The following NDC1 variants were observed in gnomAD, a reference collection of about 807,000 sequenced individuals.
NDC1 encodes NDC1 transmembrane nucleoporin, also known as nucleoporin NDC1.
NDC1 carries 24 observed loss-of-function variants against 89.8 expected under a neutral mutation model. The ratio of observed to expected loss-of-function variants is 0.27; its 90% CI spans 0.19 to 0.38. The LOEUF is 0.38. Ranked by LOEUF, NDC1 falls within the 10% of genes least tolerant of loss-of-function variation. NDC1 has a pLI of 1.00. For synonymous variants in NDC1, 296 were observed against 284.8 expected, an observed-to-expected ratio of 1.04 and a Z score of -0.39; for missense variants, 728 against 797.6, an observed-to-expected ratio of 0.91 and a Z score of 1.05.
chr1:53,826,049 C>T (rs1311373886), intron 4 of NDC1, 113 bp from the exon 5 acceptor site: 1 of 1,057,302 alleles, frequency 9.5e-7, no homozygotes, highest in Non-Finnish European at 1.4e-6. Flanking sequence ...TAAGAAATGT[C>T]CCAAATTCTA....
At chr1:53,770,342 G>A (rs1198342703) in intron 17 of NDC1, among the ~76,000 whole-genome samples, 3 of 151,780 alleles carry the variant, frequency 2.0e-5, no homozygotes, top group Admixed American at 6.6e-5. Flanking sequence ...GGTCTTGCTC[G>A]GTCGCCCAGG....
At chr1:53,814,845 G>T (rs1331362168) in intron 6 of NDC1, among the ~76,000 whole-genome samples, 1 of 152,068 alleles carries the variant, frequency 6.6e-6, no homozygotes, top group Non-Finnish European at 1.5e-5. Context: ...CACATAAACT[G>T]CCAAACCTAG....
At chr1:53,803,887 A>T in intron 10 of NDC1, 41 bp downstream of exon 10, 1 of 1,460,616 alleles carries the variant, frequency 6.8e-7, no homozygotes, top group Non-Finnish European at 9.6e-7. Context: ...ATTACTTTCT[A>T]CACACATATG....
rs758596965 is a variant in NDC1 at position 53,800,724 on chromosome 1, G to A, written c.1191C>T (p.Tyr397=). The A allele has an allele frequency of 6.2e-7, 1 of 1,613,948 alleles. No individual in the cohort carries two copies. The highest frequency in any genetic ancestry group is 8.5e-7 in the Non-Finnish European group (1 of 1,179,962). Reference sequence around the variant, plus strand: ...AATTTAATTTCTTAGGTTCCACTGGGTAAGATGAAGACACTCTCCCATTCG... The same window carrying A: ...AATTTAATTTCTTAGGTTCCACTGGATAAGATGAAGACACTCTCCCATTCG... ...AATNGRVSSS[Y]PVEPKKLNSP... is the part of the protein sequence containing the mutation. Residue 397 remains tyrosine (Y), a synonymous_variant, in exon 11 of 18, where the codon TAC becomes TAT. Transcript: ENST00000371429.
In NDC1 at chr1:53,825,951, T is replaced by A. The variant is rs368327641; in HGVS notation, c.456-15A>T. ...GGCTACCAAAGCTGAAGGGAAAAAA[T>A]TAAGTTATTAATTCAACAGTCAGGG... On this transcript the variant is annotated splice_polypyrimidine_tract_variant and intron_variant, in intron 4 of 17. Coordinates refer to ENST00000371429, the MANE Select transcript of NDC1 (RefSeq NM_018087.5). 1 of 1,609,200 alleles carries A rather than the reference T, an allele frequency of 6.2e-7. No homozygotes were observed.
chr1:53,812,768 T>C (rs1418397291), intron 6 of NDC1, among the ~76,000 whole-genome samples: 1 of 152,184 alleles, frequency 6.6e-6, no homozygotes, highest in Non-Finnish European at 1.5e-5. Context: ...CCTGAAAAAT[T>C]CATCACAAAA....
At chr1:53,791,306 C>T (rs1331568021) in intron 14 of NDC1, among the ~76,000 whole-genome samples, 1 of 152,096 alleles carries the variant, frequency 6.6e-6, no homozygotes, top group Non-Finnish European at 1.5e-5. Context: ...GTAGTCCCAA[C>T]TACTCAGGAG....
At chr1:53,818,417 G>A (rs1411672999) in intron 6 of NDC1, among the ~76,000 whole-genome samples, 1 of 151,426 alleles carries the variant, frequency 6.6e-6, no homozygotes, top group African/African-American at 2.4e-5. Context: ...CTCCAGCCTG[G>A]GTGACAGATC....
intron 6 of NDC1, among the ~76,000 whole-genome samples, chr1:53,815,909 C>T (rs1423877440): frequency 6.6e-6 from 1 of 152,092 alleles, no homozygotes; most frequent in African/African-American, 2.4e-5. Context: ...GTCGAAAGAT[C>T]TCTACAAGGA....
rs760276805 is a variant in NDC1, at chr1:53,772,395, A to G, written c.1895T>C (p.Phe632Ser). The stretch of plus-strand genomic sequence containing the variant: ...AGTTTTCAGTGATGCTCTGAATGCA[A>G]ATCTTAATGTTTTATATGAAGTGTC... The part of the protein sequence containing the change: ...LVDTSYKTLR[F>S]AFRASLKTAI... The change falls in exon 17 of 18, where the codon TTT becomes TCT. Residue 632 changes from phenylalanine to serine, a missense_variant. By Grantham distance (155) the Phe-to-Ser change is radical (BLOSUM62 -2). Transcript: ENST00000371429. 1 of 1,613,946 alleles carries G rather than the reference A, an allele frequency of 6.2e-7. No homozygotes were observed. The highest frequency in any genetic ancestry group is 8.5e-7 in the Non-Finnish European group (1 of 1,179,850).
chr1:53,784,792 A>G (rs1427550816), intron 16 of NDC1, among the ~76,000 whole-genome samples: 3 of 141,526 alleles, frequency 2.1e-5, no homozygotes, highest in African/African-American at 7.4e-5. Context: ...CTCTGTCTCA[A>G]AAAAAAAAAA....
intron 2 of NDC1, among the ~76,000 whole-genome samples, chr1:53,833,344 A>G (rs1442959045): frequency 6.6e-6 from 1 of 151,942 alleles, no homozygotes. Context: ...CTATGTTGTC[A>G]AGGCTGGTCT....
At chr1:53,790,718 T>C (rs539913853) in intron 14 of NDC1, among the ~76,000 whole-genome samples, 5 of 151,784 alleles carry the variant, frequency 3.3e-5, no homozygotes, top group Non-Finnish European at 7.4e-5. Context: ...AATAAATAAA[T>C]AAACAACAAC....
intron 13 of NDC1, among the ~76,000 whole-genome samples, chr1:53,794,768 A>G (rs570891261): frequency 6.6e-6 from 1 of 152,038 alleles, no homozygotes; most frequent in African/African-American, 2.4e-5. Flanking sequence ...CCAGCTACTC[A>G]GGAGGCTGAG....
At chr1:53,827,919 C>T in intron 4 of NDC1, 80 bp downstream of exon 4, 2 of 1,047,286 alleles carry the variant, frequency 1.9e-6, no homozygotes, top group Non-Finnish European at 2.6e-6. Context: ...GCAAAGAATA[C>T]TCATAGGATT....
chr1:53,821,624 A>G (rs1054311590), intron 5 of NDC1, among the ~76,000 whole-genome samples: 1 of 152,152 alleles, frequency 6.6e-6, no homozygotes, highest in Non-Finnish European at 1.5e-5. Context: ...CATAGTTCCT[A>G]TGCTATTCCT....
intron 13 of NDC1, among the ~76,000 whole-genome samples, chr1:53,795,511 A>G (rs776285046): frequency 1.3e-4 from 20 of 152,156 alleles, no homozygotes; most frequent in Non-Finnish European, 2.5e-4. Context: ...CTCCAGAATC[A>G]TCAGTAAATT....
chr1:53,814,725 AAG>A (rs1648421781), intron 6 of NDC1, among the ~76,000 whole-genome samples: 1 of 152,242 alleles, frequency 6.6e-6, no homozygotes, highest in East Asian at 1.9e-4. Flanking sequence ...CCAAAAAAAG[AAG>A]AGAGAAAATC....
chr1:53,838,150 C>T (rs1248695976), intron 1 of NDC1, 55 bp downstream of exon 1: 2 of 1,505,026 alleles, frequency 1.3e-6, no homozygotes, highest in East Asian at 4.9e-5. Context: ...GCGATCAGAG[C>T]TTGCCCGCCC....
Sources: allele counts gnomAD v4.1 joint callset (sites outside exome capture counted in the v4.1 genomes callset), GRCh38; gene constraint gnomAD v4.1.1; transcripts MANE v1.5; gene names NCBI Gene and HGNC (gene_info 2026-07-23, HGNC 2026-07-21).